Variants in CIROZ observed in about 807,000 individuals in gnomAD.
The protein encoded by CIROZ is ciliated left-right organizer ZP-N domains-containing protein.
At chr1:10,969,834 G>A in the CIROZ span, 1 of 1,310,100 alleles carries the variant, frequency 7.6e-7, no homozygotes, top group East Asian at 2.7e-5. Flanking sequence ...GGGCTGTGGG[G>A]GGAGGTGGCC....
chr1:10,947,632 C>A, the CIROZ span: 1 of 1,441,482 alleles, frequency 6.9e-7, no homozygotes, highest in Non-Finnish European at 9.2e-7. Context: ...CAGGGTGCAC[C>A]CAGGACTCAC....
the CIROZ span, chr1:10,955,026 C>T: frequency 2.5e-6 from 4 of 1,609,352 alleles, no homozygotes; most frequent in Admixed American, 6.7e-5. Flanking sequence ...GAATGCTGAC[C>T]ACCACAAAGT....
At chr1:10,976,602 G>A in the CIROZ span, among the ~76,000 whole-genome samples, 1 of 151,486 alleles carries the variant, frequency 6.6e-6, no homozygotes, top group African/African-American at 2.4e-5. Flanking sequence ...CACCCGCCTC[G>A]GCCTCCCAAA....
chr1:10,966,647 C>T, the CIROZ span, among the ~76,000 whole-genome samples: 2 of 152,160 alleles, frequency 1.3e-5, no homozygotes, highest in African/African-American at 4.8e-5. Context: ...AAGGCATATA[C>T]CAACAGGAAA....
chr1:10,948,756 T>C, the CIROZ span: 1 of 1,540,070 alleles, frequency 6.5e-7, no homozygotes, highest in South Asian at 1.3e-5. Context: ...GGGACCTCGC[T>C]GAGCTTGCAC....
At chr1:10,971,956 C>A in the CIROZ span, among the ~76,000 whole-genome samples, 1 of 152,220 alleles carries the variant, frequency 6.6e-6, no homozygotes, top group Non-Finnish European at 1.5e-5. Flanking sequence ...CCTTCTCCCC[C>A]ATGACACATA....
At chr1:10,968,091 A>G in the CIROZ span, among the ~76,000 whole-genome samples, 61,993 of 151,842 alleles carry the variant, frequency 0.41, 16,228 homozygotes, top group African/African-American at 0.73. Context: ...CCCGTGGGGC[A>G]GAGGTTGCAG....
chr1:10,957,829 T>A, the CIROZ span: 1 of 1,495,876 alleles, frequency 6.7e-7, no homozygotes, highest in Non-Finnish European at 9.0e-7. Flanking sequence ...GAGGGGACAC[T>A]TGAAGGGTCA....
the CIROZ span, among the ~76,000 whole-genome samples, chr1:10,965,482 G>A: frequency 6.6e-6 from 1 of 152,190 alleles, no homozygotes; most frequent in Non-Finnish European, 1.5e-5. Flanking sequence ...TCAACACATT[G>A]GGACACCGAG....
chr1:10,959,566 C>G, the CIROZ span, among the ~76,000 whole-genome samples: 1 of 152,212 alleles, frequency 6.6e-6, no homozygotes, highest in African/African-American at 2.4e-5. The surrounding 1 kb of genome is among the most constrained non-coding windows in gnomAD (Gnocchi z 4.3). Flanking sequence ...AGTCACAGAC[C>G]AGCAGAGGGT....
chr1:10,976,179 C>T, the CIROZ span: 8 of 1,536,944 alleles, frequency 5.2e-6, no homozygotes, highest in Non-Finnish European at 7.0e-6. Context: ...TGCTGCAGAG[C>T]TTGGCTTGTC....
At chr1:10,952,098 G>T in the CIROZ span, among the ~76,000 whole-genome samples, 7 of 152,118 alleles carry the variant, frequency 4.6e-5, no homozygotes, top group Non-Finnish European at 7.4e-5. Flanking sequence ...GGCCTGTCAA[G>T]AATAAGAAGC....
chr1:10,954,125 T>C, the CIROZ span: 2 of 1,612,492 alleles, frequency 1.2e-6, no homozygotes, highest in Admixed American at 3.3e-5. Flanking sequence ...CCGGGGTTCC[T>C]CCGACTTCTT....
At chr1:10,955,446 C>G in the CIROZ span, among the ~76,000 whole-genome samples, 1 of 152,216 alleles carries the variant, frequency 6.6e-6, no homozygotes, top group Non-Finnish European at 1.5e-5. Context: ...CATCAGGAAG[C>G]AGATGCCAGG....
chr1:10,967,869 G>C, the CIROZ span, among the ~76,000 whole-genome samples: 2 of 152,216 alleles, frequency 1.3e-5, no homozygotes, highest in African/African-American at 2.4e-5. Flanking sequence ...AGCTACTCAG[G>C]AGGCTAAGGC....
chr1:10,950,018 G>T, the CIROZ span, among the ~76,000 whole-genome samples: 3 of 150,204 alleles, frequency 2.0e-5, no homozygotes, highest in African/African-American at 7.4e-5. Flanking sequence ...AGACTATGTG[G>T]ACATCAAGAT....
chr1:10,968,098 G>A, the CIROZ span, among the ~76,000 whole-genome samples: 139 of 152,320 alleles, frequency 9.1e-4, 1 homozygote, highest in Admixed American at 3.9e-4. Flanking sequence ...GGCAGAGGTT[G>A]CAGAGAGCTG....
At chr1:10,951,728 TTTA>T in the CIROZ span, among the ~76,000 whole-genome samples, 10 of 98,928 alleles carry the variant, frequency 1.0e-4, no homozygotes, top group African/African-American at 6.2e-4. Context: ...CTGTCTCTTA[TTTA>T]AAAAAAAAAA....
chr1:10,949,534 G>A, the CIROZ span: 7 of 1,410,518 alleles, frequency 5.0e-6, no homozygotes, highest in East Asian at 2.5e-5. Context: ...GAAAGAGAAG[G>A]GCCTCAGGCC....
Sources: allele counts gnomAD v4.1 joint callset (sites outside exome capture counted in the v4.1 genomes callset), GRCh38; gene constraint gnomAD v4.1.1; non-coding constraint Gnocchi (gnomAD v3.1); transcripts MANE v1.5; gene names NCBI Gene and HGNC (gene_info 2026-07-23, HGNC 2026-07-21).